The following TCF7L2 variants were observed in gnomAD, a reference collection of about 807,000 sequenced individuals.
TCF7L2 encodes the protein transcription factor 7 like 2, also known as transcription factor 7-like 2.
TCF7L2 carries 23 observed loss-of-function variants against 77.9 expected under a neutral mutation model. The observed-to-expected ratio is 0.30, with a 90% CI of 0.21 to 0.42. The LOEUF (loss-of-function observed/expected upper bound fraction) is 0.42. Among genes scored for constraint, TCF7L2 ranks in the 10% least tolerant of loss-of-function variants. The pLI is 1.00. For synonymous variants in TCF7L2, 413 were observed against 340.2 expected, an observed-to-expected ratio of 1.21 and a Z score of -2.36; for missense variants, 654 against 793.1, an observed-to-expected ratio of 0.82 and a Z score of 2.11.
chr10:113,165,307 T>C (rs936319894), intron 13 of TCF7L2, among the ~76,000 whole-genome samples: 4 of 151,982 alleles, frequency 2.6e-5, no homozygotes, highest in African/African-American at 9.7e-5. Flanking sequence ...TTAGTAGGGG[T>C]TGGGGGAAGC....
intron 5 of TCF7L2, among the ~76,000 whole-genome samples, chr10:113,073,833 C>T (rs940722583): frequency 5.9e-5 from 9 of 152,240 alleles, no homozygotes; most frequent in Admixed American, 1.3e-4. Flanking sequence ...CTGCTGCCTG[C>T]CGCCCATCCT....
In TCF7L2 at chr10:112,950,618, G is replaced by T; in HGVS notation, c.-139G>T. On this transcript the variant is annotated 5_prime_UTR_variant, in exon 1 of 14. Coordinates refer to ENST00000627217, the MANE Select transcript of TCF7L2 (RefSeq NM_001146274.2). The stretch of plus-strand genomic sequence containing the variant: ...CTCCCCAGGAGAAAAAGACCCCCAA[G>T]CAGAAAAAAGTTCACCTTGGACTCG... The T allele has an allele frequency of 1.6e-6, 1 of 621,314 alleles. No homozygotes were observed. The highest frequency in any genetic ancestry group is 2.4e-5 in the South Asian group (1 of 42,272). The allele number at this position is 621,314 out of a possible 1,614,324, so 38.5% of individuals were successfully genotyped here. A position where few individuals can be genotyped will look rare whatever the true frequency, so the allele number is the denominator to read the frequency against.
intron 5 of TCF7L2, among the ~76,000 whole-genome samples, chr10:113,049,200 CT>C (rs974119332): frequency 1.3e-5 from 2 of 152,064 alleles, no homozygotes; most frequent in African/African-American, 4.8e-5. Context: ...CCCCCGCCCC[CT>C]GACTCTCTTC....
chr10:112,969,382 CT>C (rs571986472), intron 4 of TCF7L2, among the ~76,000 whole-genome samples: 349 of 152,298 alleles, frequency 2.3e-3, no homozygotes, highest in African/African-American at 8.1e-3. Flanking sequence ...TGCATCCTTC[CT>C]ACGTTGTTGG....
chr10:112,980,810 T>G (rs1031329411), intron 4 of TCF7L2, among the ~76,000 whole-genome samples: 1 of 152,044 alleles, frequency 6.6e-6, no homozygotes, highest in Non-Finnish European at 1.5e-5. Flanking sequence ...GTATTTTTAG[T>G]AGAGACGGGG....
At chr10:112,987,682 A>T (rs2041815294) in intron 4 of TCF7L2, 1 of 152,020 alleles carries the variant, frequency 6.6e-6, no homozygotes, top group South Asian at 2.1e-4. Flanking sequence ...CAGGCAGGTT[A>T]TCAAGTGTGA....
intron 4 of TCF7L2, among the ~76,000 whole-genome samples, chr10:112,975,302 T>G (rs1362579040): frequency 6.6e-6 from 1 of 152,048 alleles, no homozygotes; most frequent in Non-Finnish European, 1.5e-5. Flanking sequence ...CCACCCAGAT[T>G]GAGGCTCGGT....
At chr10:113,073,836 C>G (rs548675825) in intron 5 of TCF7L2, among the ~76,000 whole-genome samples, 2 of 152,352 alleles carry the variant, frequency 1.3e-5, no homozygotes, top group East Asian at 1.9e-4. Context: ...CTGCCTGCCG[C>G]CCATCCTTGC....
intron 5 of TCF7L2, among the ~76,000 whole-genome samples, chr10:113,121,951 A>G (rs898084347): frequency 1.3e-5 from 2 of 152,350 alleles, no homozygotes; most frequent in East Asian, 3.9e-4. Flanking sequence ...CCTGTAATAC[A>G]CGGATTCGGA....
chr10:113,033,138 C>T (rs755296271), intron 4 of TCF7L2, among the ~76,000 whole-genome samples: 4 of 151,818 alleles, frequency 2.6e-5, no homozygotes, highest in Non-Finnish European at 4.4e-5. Context: ...AAATCTTTTT[C>T]TTTTTTATCT....
At chr10:113,000,909 C>G (rs1344960128) in intron 4 of TCF7L2, among the ~76,000 whole-genome samples, 4 of 152,174 alleles carry the variant, frequency 2.6e-5, no homozygotes, top group African/African-American at 9.7e-5. Flanking sequence ...GGGCCATTCC[C>G]CCACCCTTCA....
At chr10:113,024,300 A>G (rs2048743220) in intron 4 of TCF7L2, among the ~76,000 whole-genome samples, 1 of 151,932 alleles carries the variant, frequency 6.6e-6, no homozygotes, top group Non-Finnish European at 1.5e-5. Context: ...AGACTCTCAC[A>G]ACAAAACAAA....
Position 113,165,810 on chromosome 10 carries a change from C to A in TCF7L2, c.1647C>A (p.Ala549=), listed in dbSNP as rs1564995915. Reference sequence around the variant, plus strand: ...CTGAGGCCACCCACAAGGCCTCCGCCCTCTGTCCCAACGGGGCCCTGGACC... The same window carrying A: ...CTGAGGCCACCCACAAGGCCTCCGCACTCTGTCCCAACGGGGCCCTGGACC... The change falls in exon 14 of 14, where the codon GCC becomes GCA. Residue 549 remains alanine (A), a synonymous_variant. Transcript: ENST00000627217. 6.2e-7 allele frequency: 1 copy of A among 1,605,038 alleles called. No individual in the cohort carries two copies. Among genetic ancestry groups the A allele is most frequent in the South Asian group, 1.1e-5 (1 of 89,984 alleles).
chr10:112,964,655 A>G (rs2036080711), intron 4 of TCF7L2, 31 bp downstream of exon 4: 1 of 1,589,522 alleles, frequency 6.3e-7, no homozygotes, highest in East Asian at 2.2e-5. Flanking sequence ...TGAAGCTTGA[A>G]TTGTCTATAT....
At chr10:112,992,503 A>C (rs1220713491) in intron 4 of TCF7L2, among the ~76,000 whole-genome samples, 1 of 152,158 alleles carries the variant, frequency 6.6e-6, no homozygotes, top group Non-Finnish European at 1.5e-5. Flanking sequence ...CATTTCTGGA[A>C]TCAAAAGGAG....
At chr10:113,010,417 T>G (rs1272266837) in intron 4 of TCF7L2, among the ~76,000 whole-genome samples, 1 of 152,172 alleles carries the variant, frequency 6.6e-6, no homozygotes, top group African/African-American at 2.4e-5. Flanking sequence ...GGTCTCTAAA[T>G]GATTTACAGT....
At chr10:113,048,584 G>A (rs547090229) in intron 5 of TCF7L2, among the ~76,000 whole-genome samples, 8 of 152,226 alleles carry the variant, frequency 5.3e-5, no homozygotes, top group African/African-American at 1.9e-4. Context: ...TGATGGGATA[G>A]CATGTTTAAT....
chr10:113,113,333 C>CT (rs1429750880), intron 5 of TCF7L2, among the ~76,000 whole-genome samples: 1 of 152,178 alleles, frequency 6.6e-6, no homozygotes, highest in Non-Finnish European at 1.5e-5. Flanking sequence ...CAACTTATAA[C>CT]TTACCAAAGC....
chr10:113,102,536 T>C (rs921734228), intron 5 of TCF7L2, among the ~76,000 whole-genome samples: 2 of 151,592 alleles, frequency 1.3e-5, no homozygotes, highest in Non-Finnish European at 2.9e-5. Context: ...GTGATTCTCC[T>C]GCCTCAGCCT....
Sources: allele counts gnomAD v4.1 joint callset (sites outside exome capture counted in the v4.1 genomes callset), GRCh38; gene constraint gnomAD v4.1.1; transcripts MANE v1.5; gene names NCBI Gene and HGNC (gene_info 2026-07-23, HGNC 2026-07-21).